The following SORCS3 variants were observed in gnomAD, a reference collection of about 807,000 sequenced individuals.
The protein encoded by SORCS3 is sortilin related VPS10 domain containing receptor 3, also known as VPS10 domain-containing receptor SorCS3.
Under a neutral mutation model 146.3 loss-of-function variants are expected in SORCS3, and 57 were observed. The ratio of observed to expected loss-of-function variants is 0.39; its 90% CI spans 0.31 to 0.49. The LOEUF (loss-of-function observed/expected upper bound fraction) is 0.49, where lower values mean the gene tolerates loss of function less well. SORCS3 is among the 20% of genes least tolerant of loss of function. The pLI is 0.92. For missense variants in SORCS3, 1,341 were observed against 1,575.5 expected, an observed-to-expected ratio of 0.85 and a Z score of 2.52; for synonymous variants, 653 against 618.5, an observed-to-expected ratio of 1.06 and a Z score of -0.83.
At chr10:104,833,812 C>T (rs1338867845) in intron 1 of SORCS3, among the ~76,000 whole-genome samples, 2 of 152,138 alleles carry the variant, frequency 1.3e-5, no homozygotes, top group African/African-American at 4.8e-5. Flanking sequence ...TTCTCTGAAC[C>T]CCAGACTCAT....
intron 14 of SORCS3, among the ~76,000 whole-genome samples, chr10:105,193,931 CAAG>C (rs1206033203): frequency 2.6e-5 from 4 of 152,004 alleles, no homozygotes; most frequent in African/African-American, 9.7e-5. Flanking sequence ...TTGTAGAGTC[CAAG>C]AAGAAGGTGA....
At chr10:105,043,591 A>G (rs2055351655) in intron 5 of SORCS3, among the ~76,000 whole-genome samples, 2 of 152,198 alleles carry the variant, frequency 1.3e-5, no homozygotes, top group Admixed American at 6.5e-5. Flanking sequence ...GGTCAAATAA[A>G]TTCAGGTTAT....
At chr10:104,679,855 A>C (rs1437539354) in intron 1 of SORCS3, among the ~76,000 whole-genome samples, 1 of 152,248 alleles carries the variant, frequency 6.6e-6, no homozygotes, top group East Asian at 1.9e-4. Context: ...TGAAAAGCAC[A>C]GTGTATCAAG....
chr10:105,262,269 C>T, intron 25 of SORCS3, 62 bp from the exon 26 acceptor site: 1 of 1,518,244 alleles, frequency 6.6e-7, no homozygotes, highest in Non-Finnish European at 9.1e-7. Flanking sequence ...CCCAGGATTT[C>T]CAGCTGCCCA....
At chr10:105,206,629 G>A (rs1196946907) in intron 16 of SORCS3, among the ~76,000 whole-genome samples, 4 of 152,184 alleles carry the variant, frequency 2.6e-5, no homozygotes, top group Admixed American at 2.6e-4. Flanking sequence ...ATTAGATTAG[G>A]AGAAATATTT....
chr10:105,201,387 C>T, intron 16 of SORCS3, 134 bp downstream of exon 16: 2 of 1,097,970 alleles, frequency 1.8e-6, no homozygotes, highest in Non-Finnish European at 2.6e-6. Context: ...CCTGTGGGCC[C>T]ATCCATCCCA....
At chr10:104,843,925 A>C (rs2018175212) in intron 2 of SORCS3, among the ~76,000 whole-genome samples, 1 of 152,172 alleles carries the variant, frequency 6.6e-6, no homozygotes, top group African/African-American at 2.4e-5. Context: ...ATCTGGCTGC[A>C]TCATCATCCC....
intron 1 of SORCS3, among the ~76,000 whole-genome samples, chr10:104,737,865 A>G (rs2016793810): frequency 6.7e-6 from 1 of 148,988 alleles, no homozygotes; most frequent in Non-Finnish European, 1.5e-5. Context: ...CTATGTCCTG[A>G]ATGGTAATGC....
At chr10:104,735,456 GTTTTTTT>G (rs56203751) in intron 1 of SORCS3, among the ~76,000 whole-genome samples, 12 of 34,994 alleles carry the variant, frequency 3.4e-4, no homozygotes, top group South Asian at 1.8e-3. Flanking sequence ...CTCACCGTCT[GTTTTTTT>G]TTTTTTTTTT....
intron 3 of SORCS3, among the ~76,000 whole-genome samples, chr10:104,940,496 G>A (rs934776904): frequency 3.8e-4 from 55 of 146,400 alleles, no homozygotes; most frequent in African/African-American, 1.3e-3. Flanking sequence ...TGCGGCGTTC[G>A]CTTTTTTTGT....
At chr10:104,922,054 G>A (rs948482999) in intron 3 of SORCS3, among the ~76,000 whole-genome samples, 1 of 152,208 alleles carries the variant, frequency 6.6e-6, no homozygotes, top group Admixed American at 6.5e-5. Context: ...CAAGCTGTTC[G>A]AGAGGCACCG....
At chr10:104,652,595 G>T (rs976482348) in intron 1 of SORCS3, among the ~76,000 whole-genome samples, 17 of 152,076 alleles carry the variant, frequency 1.1e-4, no homozygotes, top group Admixed American at 1.0e-3. Flanking sequence ...CCTTCTCTCA[G>T]TACAAATGAA....
At chr10:105,046,383 C>A (rs1290726733) in intron 5 of SORCS3, among the ~76,000 whole-genome samples, 1 of 152,128 alleles carries the variant, frequency 6.6e-6, no homozygotes, top group Non-Finnish European at 1.5e-5. Context: ...TGTCCGGTTT[C>A]TTCTCCCATG....
chr10:104,917,918 T>C (rs951992096), intron 3 of SORCS3, among the ~76,000 whole-genome samples: 3 of 152,236 alleles, frequency 2.0e-5, no homozygotes, highest in African/African-American at 7.2e-5. Context: ...TCATGGCTGT[T>C]GTGAGTAGTG....
At chr10:104,948,869 C>G (rs2133624437) in intron 3 of SORCS3, among the ~76,000 whole-genome samples, 1 of 152,238 alleles carries the variant, frequency 6.6e-6, no homozygotes, top group Non-Finnish European at 1.5e-5. Flanking sequence ...CTCCCAGTTC[C>G]TTTTGCCATT....
At chr10:104,695,537 C>G (rs760613941) in intron 1 of SORCS3, among the ~76,000 whole-genome samples, 1 of 151,982 alleles carries the variant, frequency 6.6e-6, no homozygotes, top group Non-Finnish European at 1.5e-5. Flanking sequence ...AAAGACCATT[C>G]TTTATCCCTG....
intron 4 of SORCS3, among the ~76,000 whole-genome samples, chr10:105,022,033 G>A (rs187721660): frequency 5.8e-4 from 89 of 152,290 alleles, no homozygotes; most frequent in Non-Finnish European, 1.1e-3. Flanking sequence ...GTAGCTGCCA[G>A]GGGTTGTGGG....
intron 1 of SORCS3, among the ~76,000 whole-genome samples, chr10:104,654,873 A>G (rs11192148): frequency 0.081 from 12,301 of 152,276 alleles, 631 homozygotes; most frequent in Non-Finnish European, 0.11. Context: ...AATCGGTAGT[A>G]TAAGGTGGGG....
At chr10:105,026,753 C>T (rs1028058659) in intron 4 of SORCS3, among the ~76,000 whole-genome samples, 5 of 152,122 alleles carry the variant, frequency 3.3e-5, no homozygotes, top group African/African-American at 7.2e-5. Context: ...CACGTGTTCT[C>T]ACTTATAAAT....
Sources: gnomAD v4.1 joint callset for allele counts (sites outside exome capture counted in the v4.1 genomes callset) on GRCh38, gnomAD v4.1.1 for gene constraint, MANE v1.5 for transcripts, NCBI Gene and HGNC (gene_info 2026-07-23, HGNC 2026-07-21) for gene names.